Variants in RNF216 observed in about 807,000 individuals in gnomAD.
The protein encoded by RNF216 is ring finger protein 216.
Under a neutral mutation model 110.8 loss-of-function variants are expected in RNF216, and 72 were observed. The ratio of observed to expected loss-of-function variants is 0.65; its 90% confidence interval spans 0.54 to 0.79. RNF216 has a LOEUF of 0.79. RNF216 is among the 30% of genes least tolerant of loss of function. The pLI is 0.00. For synonymous variants in RNF216, 495 were observed against 407.5 expected (o/e 1.21, Z -2.59); for missense variants, 1,342 against 1,141.2 (o/e 1.18, Z -2.54).
intron 15 of RNF216, among the ~76,000 whole-genome samples, chr7:5,625,610 C>T (rs75510328): frequency 0.019 from 2,879 of 152,318 alleles, 86 homozygotes; most frequent in African/African-American, 0.064. Flanking sequence ...GATTTCCCCA[C>T]ACAATTGTTT....
chr7:5,657,336 G>C (rs568123694), intron 13 of RNF216, among the ~76,000 whole-genome samples: 5 of 152,198 alleles, frequency 3.3e-5, no homozygotes, highest in African/African-American at 4.8e-5. Context: ...GGGAGGTGGA[G>C]GCAGGTGGAT....
At chr7:5,698,310 C>G (rs1259802157) in intron 13 of RNF216, among the ~76,000 whole-genome samples, 2 of 152,042 alleles carry the variant, frequency 1.3e-5, no homozygotes, top group African/African-American at 4.8e-5. Context: ...GCTCTCAACA[C>G]AGAACCCCAG....
intron 13 of RNF216, among the ~76,000 whole-genome samples, chr7:5,666,165 C>CAA (rs575439935): frequency 3.1e-4 from 20 of 65,468 alleles, no homozygotes; most frequent in African/African-American, 7.7e-4. Flanking sequence ...GACTCCGTCT[C>CAA]AAAAAAAAAA....
intron 13 of RNF216, 97 bp from the exon 14 acceptor site, chr7:5,652,607 C>T: frequency 2.5e-6 from 2 of 786,300 alleles, no homozygotes; most frequent in Non-Finnish European, 4.4e-6. Flanking sequence ...CTTTACTTGG[C>T]TTGAATTCTT....
intron 2 of RNF216, among the ~76,000 whole-genome samples, chr7:5,758,510 G>A (rs1795762093): frequency 6.6e-6 from 1 of 152,116 alleles, no homozygotes; most frequent in Non-Finnish European, 1.5e-5. Flanking sequence ...TCTTCCACTT[G>A]TGTCACTCCT....
At chr7:5,717,480 C>T (rs1336931526) in intron 9 of RNF216, among the ~76,000 whole-genome samples, 5 of 152,194 alleles carry the variant, frequency 3.3e-5, no homozygotes, top group Admixed American at 3.3e-4. Context: ...TGGTGGGGCA[C>T]TGGCACAGAG....
chr7:5,651,251 T>G (rs933707471), intron 14 of RNF216, among the ~76,000 whole-genome samples: 18 of 150,974 alleles, frequency 1.2e-4, no homozygotes, highest in Non-Finnish European at 1.6e-4. Context: ...TGAGTTGGAG[T>G]CTCGCTCTGT....
At chr7:5,657,745 C>G (rs185567881) in intron 13 of RNF216, among the ~76,000 whole-genome samples, 4 of 152,188 alleles carry the variant, frequency 2.6e-5, no homozygotes, top group African/African-American at 9.6e-5. Context: ...CCCATACGCC[C>G]AAATGACATA....
chr7:5,719,992 T>TA (rs1793315140), intron 9 of RNF216, among the ~76,000 whole-genome samples: 1 of 152,266 alleles, frequency 6.6e-6, no homozygotes, highest in Admixed American at 6.5e-5. Flanking sequence ...AAGTAATTTT[T>TA]ACTGCTTTAT....
chr7:5,664,929 T>G (rs912356649), intron 13 of RNF216, among the ~76,000 whole-genome samples: 1 of 152,200 alleles, frequency 6.6e-6, no homozygotes, highest in Non-Finnish European at 1.5e-5. Context: ...CCCAAGTAGC[T>G]GGGATTACAG....
chr7:5,632,637 C>T (rs547408574), intron 15 of RNF216, among the ~76,000 whole-genome samples: 23 of 152,196 alleles, frequency 1.5e-4, no homozygotes, highest in African/African-American at 5.5e-4. Flanking sequence ...ATTAGCCAGG[C>T]GTGGTGGTGG....
In RNF216 at chr7:5,752,922, CT is replaced by C; in HGVS notation, c.124del (p.Arg42GlyfsTer24). 1 of 1,612,168 alleles carries C rather than the reference CT, an allele frequency of 6.2e-7. No homozygotes were observed. ...AGCTGGGGTGACCAGCATTGGAATCCTTTCCTCATCTGAGGAGTCAGATATG... is the reference window on the plus strand; with the variant it reads ...AGCTGGGGTGACCAGCATTGGAATCCTTCCTCATCTGAGGAGTCAGATATG... The part of the protein sequence containing the change: ...ITISDSSDEE[R>X]IPMLVTPAPQ... On this transcript the variant is annotated frameshift_variant, in exon 3 of 17. Coordinates refer to ENST00000389902, the MANE Select transcript of RNF216 (RefSeq NM_207111.4). LOFTEE classifies it high-confidence loss of function.
chr7:5,714,760 G>C (rs921943724), intron 11 of RNF216, among the ~76,000 whole-genome samples: 1 of 137,392 alleles, frequency 7.3e-6, no homozygotes, highest in Admixed American at 7.9e-5. Context: ...AGGCTGCAAG[G>C]TTCTCTCTTT....
Position 5,641,425 on chromosome 7 carries a change from A to G in RNF216, c.2160-49T>C, listed in dbSNP as rs1219297873. 2.1e-6 allele frequency: 3 copies of G among 1,418,234 alleles called. No individual in the cohort carries two copies. The East Asian group carries it at 6.9e-5, about 33-fold the overall frequency. 87.9% of individuals were successfully genotyped at this position (1,418,234 alleles called of 1,614,324 possible). A position where few individuals can be genotyped will look rare whatever the true frequency, so the allele number is the denominator to read the frequency against. ...GAGCTGGGAGGGAAGATGAGGAGGA[A>G]AAAAATATGGCCATTAAGCATTTAT... On this transcript the variant is annotated intron_variant, in intron 14 of 16. Transcript: ENST00000389902.
chr7:5,746,552 G>A (rs149494683), intron 3 of RNF216, among the ~76,000 whole-genome samples: 50 of 152,300 alleles, frequency 3.3e-4, no homozygotes, highest in African/African-American at 1.2e-3. Flanking sequence ...AGGCTTAGGT[G>A]AGGGAGGCCT....
At chr7:5,745,371 C>T (rs1458414158) in intron 3 of RNF216, among the ~76,000 whole-genome samples, 1 of 152,162 alleles carries the variant, frequency 6.6e-6, no homozygotes, top group African/African-American at 2.4e-5. Context: ...CAAAAAGGCA[C>T]CATCACATTT....
At chr7:5,645,564 G>A (rs1788000169) in intron 14 of RNF216, among the ~76,000 whole-genome samples, 1 of 151,706 alleles carries the variant, frequency 6.6e-6, no homozygotes, top group African/African-American at 2.4e-5. Context: ...TGTAATTTTG[G>A]GGTACAGAAT....
intron 13 of RNF216, among the ~76,000 whole-genome samples, chr7:5,703,522 G>A (rs966166156): frequency 6.6e-6 from 1 of 152,246 alleles, no homozygotes; most frequent in Non-Finnish European, 1.5e-5. Flanking sequence ...CACTGCAGAT[G>A]TGAATTTTGG....
At chr7:5,760,477 T>C (rs767806716) in intron 2 of RNF216, 11 of 379,682 alleles carry the variant, frequency 2.9e-5, no homozygotes, top group East Asian at 2.6e-4. Flanking sequence ...GATTACGCCA[T>C]TGCACTCTGG....
Sources: gnomAD v4.1 joint callset for allele counts (sites outside exome capture counted in the v4.1 genomes callset) on GRCh38, gnomAD v4.1.1 for gene constraint, MANE v1.5 for transcripts, NCBI Gene and HGNC (gene_info 2026-07-23, HGNC 2026-07-21) for gene names.